Variants in CNBD1 observed in about 807,000 individuals in gnomAD.
CNBD1 encodes cyclic nucleotide-binding domain-containing protein 1.
Under a neutral mutation model 54.4 loss-of-function variants are expected in CNBD1, and 71 were observed. The observed-to-expected ratio is 1.30, with a 90% CI of 1.08 to 1.59. The LOEUF is 1.59. CNBD1 is among the 40% of genes most tolerant of loss of function. The pLI, the probability that CNBD1 is intolerant of heterozygous loss-of-function variation, is 0.00. For synonymous variants in CNBD1, 182 were observed against 170.7 expected (o/e 1.07, Z -0.51); for missense variants, 659 against 518.0 (o/e 1.27, Z -2.64).
At chr8:87,325,621 G>A (rs935198090) in intron 8 of CNBD1, among the ~76,000 whole-genome samples, 2 of 135,430 alleles carry the variant, frequency 1.5e-5, no homozygotes, top group Admixed American at 1.5e-4. Flanking sequence ...GACTAGGATT[G>A]CAACCCCTGC....
intron 4 of CNBD1, among the ~76,000 whole-genome samples, chr8:87,118,510 G>T (rs1010165438): frequency 1.3e-5 from 2 of 152,048 alleles, no homozygotes; most frequent in Non-Finnish European, 2.9e-5. Context: ...CTGGCAGAAG[G>T]CACAATCAGT....
At position 87,259,652 on chromosome 8, in the gene CNBD1, C is replaced by T. The variant is rs573894619; in HGVS notation, c.771+22540C>T. 1.3e-3 allele frequency among the ~76,000 whole-genome samples: 195 copies of T among 152,174 alleles called. 2 individuals are homozygous for T. The highest frequency in any genetic ancestry group is 9.5e-3 in the Admixed American group (145 of 15,264). On this transcript the variant is annotated intron_variant, in intron 6 of 10. Transcript: ENST00000518476. ...TATGTAACTACACAGACAGACAGAA[C>T]GAGATTACTACAATAGTTGTAAGAT...
chr8:87,298,882 C>T (rs949154931), intron 8 of CNBD1, among the ~76,000 whole-genome samples: 3 of 152,126 alleles, frequency 2.0e-5, no homozygotes, highest in African/African-American at 7.2e-5. Flanking sequence ...TTTCTAGTTA[C>T]TTTCACACAC....
intron 4 of CNBD1, among the ~76,000 whole-genome samples, chr8:86,992,361 A>T (rs912131544): frequency 2.0e-5 from 3 of 152,094 alleles, no homozygotes; most frequent in African/African-American, 7.2e-5. Flanking sequence ...GCCTGTGAGT[A>T]TCATTAAATA....
In CNBD1 at chr8:87,284,701, G is replaced by T; in HGVS notation, c.795G>T (p.Gly265=). The T allele has an allele frequency of 6.2e-7, 1 of 1,605,792 alleles. No individual in the cohort carries two copies. The highest frequency in any genetic ancestry group is 1.7e-5 in the Admixed American group (1 of 58,882). ...AGCTTAGCAAATGGAGTACCTTTGGGACTCTGGAAGTTATGCCTCAGAATG... is the reference window on the plus strand; with the variant it reads ...AGCTTAGCAAATGGAGTACCTTTGGTACTCTGGAAGTTATGCCTCAGAATG... The part of the protein sequence containing the change: ...DSMLSKWSTF[G]TLEVMPQNES... The change falls in exon 7 of 11, where the codon GGG becomes GGT. Residue 265 remains glycine, a synonymous_variant. Coordinates refer to ENST00000518476, the MANE Select transcript of CNBD1 (RefSeq NM_173538.3).
chr8:87,056,849 C>A (rs1810426051), intron 4 of CNBD1, among the ~76,000 whole-genome samples: 1 of 151,920 alleles, frequency 6.6e-6, no homozygotes, highest in Admixed American at 6.6e-5. Flanking sequence ...TATAAAATAG[C>A]AAAACAAGTT....
chr8:87,293,000 C>T (rs898392680), intron 8 of CNBD1, among the ~76,000 whole-genome samples: 3 of 152,090 alleles, frequency 2.0e-5, no homozygotes, highest in Admixed American at 2.0e-4. Context: ...CTCTGATAAA[C>T]GACTTTTTAT....
At chr8:87,384,243 T>C (rs553113898), downstream of CNBD1, among the ~76,000 whole-genome samples, 6 of 152,256 alleles carry the variant, frequency 3.9e-5, no homozygotes, top group East Asian at 1.9e-4. Context: ...TTTTAAGATA[T>C]ATGCTTCATC....
intron 2 of CNBD1, among the ~76,000 whole-genome samples, chr8:87,390,927 T>G (rs1460109042): frequency 6.6e-6 from 1 of 152,118 alleles, no homozygotes; most frequent in Non-Finnish European, 1.5e-5. Context: ...AACGATGAGT[T>G]CATATCCTTT....
chr8:87,226,839 G>A (rs1259126729), intron 5 of CNBD1, among the ~76,000 whole-genome samples: 1 of 151,230 alleles, frequency 6.6e-6, no homozygotes, highest in Non-Finnish European at 1.5e-5. Flanking sequence ...TGACAGTGGG[G>A]TGTTAAAGTC....
chr8:86,989,965 T>C (rs768022816), intron 4 of CNBD1, among the ~76,000 whole-genome samples: 1 of 152,210 alleles, frequency 6.6e-6, no homozygotes, highest in Non-Finnish European at 1.5e-5. Flanking sequence ...TTGAGCATTT[T>C]TTCATACACC....
chr8:87,260,075 A>G (rs1586371180), intron 6 of CNBD1, among the ~76,000 whole-genome samples: 1 of 152,178 alleles, frequency 6.6e-6, no homozygotes, highest in Non-Finnish European at 1.5e-5. Context: ...TGCCACTGTG[A>G]AAGGGAAAAA....
intron 4 of CNBD1, among the ~76,000 whole-genome samples, chr8:87,204,829 A>G (rs1000842759): frequency 6.6e-6 from 1 of 152,170 alleles, no homozygotes; most frequent in South Asian, 2.1e-4. Flanking sequence ...TTTGGTTATG[A>G]TATCATGCCA....
chr8:87,030,295 A>G (rs1809752980), intron 4 of CNBD1, among the ~76,000 whole-genome samples: 1 of 152,190 alleles, frequency 6.6e-6, no homozygotes, highest in East Asian at 1.9e-4. Flanking sequence ...GAATATTTAC[A>G]TTTTCTCAAA....
At chr8:87,113,874 G>A (rs905318402) in intron 4 of CNBD1, among the ~76,000 whole-genome samples, 3 of 151,516 alleles carry the variant, frequency 2.0e-5, no homozygotes, top group South Asian at 4.2e-4. Context: ...AGCCGAGATC[G>A]CGCCACTGTA....
chr8:86,917,360 A>G (rs1301784576), intron 3 of CNBD1, among the ~76,000 whole-genome samples: 1 of 152,152 alleles, frequency 6.6e-6, no homozygotes, highest in Non-Finnish European at 1.5e-5. Context: ...ATTGAAAATT[A>G]CTGCTGTACA....
chr8:87,268,009 G>A (rs988831887), intron 6 of CNBD1, among the ~76,000 whole-genome samples: 1 of 151,974 alleles, frequency 6.6e-6, no homozygotes, highest in Non-Finnish European at 1.5e-5. Context: ...TTTAACACAG[G>A]CAAATTGCGT....
chr8:87,157,977 G>C (rs1210132370), intron 4 of CNBD1, among the ~76,000 whole-genome samples: 3 of 151,980 alleles, frequency 2.0e-5, no homozygotes, highest in Non-Finnish European at 4.4e-5. Context: ...ACTGCTTATT[G>C]CTCATATGAG....
chr8:87,316,973 T>C (rs1223177342), intron 8 of CNBD1, among the ~76,000 whole-genome samples: 1 of 151,844 alleles, frequency 6.6e-6, no homozygotes, highest in Non-Finnish European at 1.5e-5. Context: ...AGTTGTATTA[T>C]GTCCTATTTG....
Sources: allele counts gnomAD v4.1 joint callset (sites outside exome capture counted in the v4.1 genomes callset), GRCh38; gene constraint gnomAD v4.1.1; transcripts MANE v1.5; gene names NCBI Gene and HGNC (gene_info 2026-07-23, HGNC 2026-07-21).